CPXM2: variants seen among roughly 807,000 people sequenced by gnomAD.
CPXM2 encodes the protein carboxypeptidase X, M14 family member 2.
In CPXM2, 66 loss-of-function variants were observed where a neutral mutation model predicts 86.1. The observed-to-expected ratio is 0.77, with a 90% CI of 0.63 to 0.94. The LOEUF (loss-of-function observed/expected upper bound fraction) is 0.94, where lower values mean the gene tolerates loss of function less well. Ranked by LOEUF, CPXM2 falls within the 40% of genes least tolerant of loss-of-function variation. CPXM2 has a pLI of 0.00. For missense variants in CPXM2, 948 were observed against 1,026.3 expected, an observed-to-expected ratio of 0.92 and a Z score of 1.04; for synonymous variants, 388 against 400.2, an observed-to-expected ratio of 0.97 and a Z score of 0.36.
intron 3 of CPXM2, among the ~76,000 whole-genome samples, chr10:123,862,369 A>G (rs988546216): frequency 3.3e-5 from 5 of 152,238 alleles, no homozygotes; most frequent in Non-Finnish European, 7.3e-5. Context: ...AAAAGGTGGA[A>G]GAGGAACAAC....
At chr10:123,876,215 C>A (rs549017866) in intron 2 of CPXM2, among the ~76,000 whole-genome samples, 1 of 152,302 alleles carries the variant, frequency 6.6e-6, no homozygotes, top group African/African-American at 2.4e-5. Flanking sequence ...GAGAACCCAC[C>A]TGAGCATATG....
At chr10:123,867,403 G>T (rs950667604) in intron 2 of CPXM2, among the ~76,000 whole-genome samples, 9 of 151,924 alleles carry the variant, frequency 5.9e-5, no homozygotes, top group Middle Eastern at 3.4e-3. Context: ...AAATTAATTC[G>T]AAATACATAA....
intron 7 of CPXM2, among the ~76,000 whole-genome samples, chr10:123,779,728 A>C (rs943725511): frequency 6.6e-6 from 1 of 152,172 alleles, no homozygotes; most frequent in African/African-American, 2.4e-5. Context: ...TAACAATAAC[A>C]ACAGTCCCTA....
intron 2 of CPXM2, among the ~76,000 whole-genome samples, chr10:123,906,892 A>T (rs1043776809): frequency 6.6e-6 from 1 of 152,152 alleles, no homozygotes; most frequent in Non-Finnish European, 1.5e-5. Context: ...TTCCAGGTGG[A>T]TGTCTGGCTG....
At chr10:123,906,289 T>C (rs578080273) in intron 2 of CPXM2, among the ~76,000 whole-genome samples, 2 of 152,352 alleles carry the variant, frequency 1.3e-5, no homozygotes, top group East Asian at 3.9e-4. Context: ...AATGTCTACC[T>C]AGAAGAGAGA....
chr10:123,813,595 C>A (rs1847742005), intron 4 of CPXM2, among the ~76,000 whole-genome samples: 1 of 152,194 alleles, frequency 6.6e-6, no homozygotes, highest in Non-Finnish European at 1.5e-5. Context: ...CCATCACTTG[C>A]ATATAATCTC....
At chr10:123,815,025 AAAAAG>A (rs1008895055) in intron 4 of CPXM2, among the ~76,000 whole-genome samples, 1 of 152,170 alleles carries the variant, frequency 6.6e-6, no homozygotes, top group Non-Finnish European at 1.5e-5. Context: ...ACCTCGTCTA[AAAAAG>A]AAAAAAGATT....
intron 6 of CPXM2, among the ~76,000 whole-genome samples, chr10:123,781,188 G>A (rs1280380850): frequency 6.6e-6 from 1 of 152,236 alleles, no homozygotes; most frequent in Non-Finnish European, 1.5e-5. Flanking sequence ...AAGCACCCTG[G>A]CGGGTATAAT....
intron 4 of CPXM2, among the ~76,000 whole-genome samples, chr10:123,840,402 T>C (rs1237819106): frequency 6.6e-6 from 1 of 152,182 alleles, no homozygotes; most frequent in South Asian, 2.1e-4. Context: ...GTTGTCAAAA[T>C]GCACAAATTA....
intron 2 of CPXM2, among the ~76,000 whole-genome samples, chr10:123,911,830 G>A (rs1945490523): frequency 6.6e-6 from 1 of 152,174 alleles, no homozygotes; most frequent in East Asian, 2.0e-4. Context: ...CCCTGCAGGG[G>A]TGGGGTGCTC....
At position 123,799,964 on chromosome 10, in the gene CPXM2, T is replaced by C. The variant is rs141793605; in HGVS notation, c.654-765A>G. On this transcript the variant is annotated intron_variant, in intron 4 of 13. Coordinates refer to ENST00000241305, the MANE Select transcript of CPXM2 (RefSeq NM_198148.3). ...GTTGAACAATATAGGAAAGTCTTCC[T>C]GAGTACACCCCCTCTTTTAATTTTT... 8.0e-3 allele frequency among the ~76,000 whole-genome samples: 1,218 copies of C among 152,106 alleles called. 15 individuals are homozygous for C. Among genetic ancestry groups the C allele is most frequent in the African/African-American group, 0.028 (1,174 of 41,490 alleles).
chr10:123,863,418 C>T (rs144273311), intron 2 of CPXM2, among the ~76,000 whole-genome samples: 2 of 152,296 alleles, frequency 1.3e-5, no homozygotes, highest in African/African-American at 4.8e-5. Context: ...CGGGGGTCCC[C>T]GCATTGAGGG....
intron 2 of CPXM2, among the ~76,000 whole-genome samples, chr10:123,936,779 C>T (rs911227269): frequency 6.6e-6 from 1 of 152,328 alleles, no homozygotes; most frequent in South Asian, 2.1e-4. Context: ...CTCCAGTCCT[C>T]GGGCCCCACT....
chr10:123,893,289 G>A (rs910265013), upstream of CPXM2, among the ~76,000 whole-genome samples: 2 of 152,152 alleles, frequency 1.3e-5, no homozygotes, highest in Non-Finnish European at 2.9e-5. Context: ...GCTGAGTCAG[G>A]GCACCAGGGC....
At chr10:123,859,063 T>G (rs919764290) in intron 3 of CPXM2, among the ~76,000 whole-genome samples, 2 of 152,122 alleles carry the variant, frequency 1.3e-5, no homozygotes, top group Admixed American at 6.5e-5. Flanking sequence ...GTGAGCCCCA[T>G]ACCTTCCAGC....
At chr10:123,781,450 T>C (rs1420147082) in intron 6 of CPXM2, among the ~76,000 whole-genome samples, 2 of 152,208 alleles carry the variant, frequency 1.3e-5, no homozygotes, top group Non-Finnish European at 2.9e-5. Context: ...CCAGCCAGCC[T>C]GGTGGCATCT....
At chr10:123,880,140 G>T in intron 2 of CPXM2, 71 bp downstream of exon 2, 1 of 547,574 alleles carries the variant, frequency 1.8e-6, no homozygotes, top group Non-Finnish European at 3.5e-6. Context: ...TGCACCAGGG[G>T]CCTGTACCCA....
At position 123,885,477 on chromosome 10, in the gene CPXM2, T is replaced by C. The variant is rs1483553315; in HGVS notation, c.305-5168A>G. Among the ~76,000 whole-genome samples, 2 of 152,222 alleles carry C rather than the reference T, an allele frequency of 1.3e-5. No individual in the cohort carries two copies. Among genetic ancestry groups the C allele is most frequent in the Admixed American group, 6.5e-5 (1 of 15,286 alleles). ...AAAAACTCACCATGGAGCACCTACC[T>C]GTGCCTAGCATGAACCAGGCATTCC... On this transcript the variant is annotated intron_variant, in intron 1 of 13. Coordinates refer to ENST00000241305, the MANE Select transcript of CPXM2 (RefSeq NM_198148.3). This position sits in a 1 kb window ranked among gnomAD's most constrained non-coding sequence, Gnocchi z 4.0.
chr10:123,760,678 A>G (rs1846311198), intron 11 of CPXM2, among the ~76,000 whole-genome samples: 1 of 152,088 alleles, frequency 6.6e-6, no homozygotes, highest in African/African-American at 2.4e-5. Context: ...TCCGCAGGGG[A>G]TGGGAACTTA....
Sources: allele counts gnomAD v4.1 joint callset (sites outside exome capture counted in the v4.1 genomes callset), GRCh38; gene constraint gnomAD v4.1.1; non-coding constraint Gnocchi (gnomAD v3.1); transcripts MANE v1.5; gene names NCBI Gene and HGNC (gene_info 2026-07-23, HGNC 2026-07-21).